ERLIN2: variants seen among roughly 807,000 people sequenced by gnomAD.
ERLIN2 encodes the protein erlin-2.
ERLIN2 carries 22 observed loss-of-function variants against 41.5 expected under a neutral mutation model. That is an observed-to-expected ratio of 0.53 (90% CI 0.38 to 0.76). The LOEUF (loss-of-function observed/expected upper bound fraction) is 0.76. ERLIN2 is among the 30% of genes least tolerant of loss of function. The pLI is 0.00. For synonymous variants in ERLIN2, 149 were observed against 150.9 expected (o/e 0.99, Z 0.09); for missense variants, 247 against 414.3 (o/e 0.60, Z 3.51).
At chr8:37,744,241 G>A (rs574770414) in intron 4 of ERLIN2, 114 bp from the exon 5 acceptor site, 25 of 936,378 alleles carry the variant, frequency 2.7e-5, no homozygotes, top group African/African-American at 9.7e-5. Flanking sequence ...CCAACTTCCC[G>A]TGAACTCTTC....
chr8:37,749,410 G>A, intron 6 of ERLIN2, 149 bp from the exon 7 acceptor site: 1 of 707,232 alleles, frequency 1.4e-6, no homozygotes, highest in Non-Finnish European at 2.6e-6. Context: ...TTGGGCAGGG[G>A]ATCTTTAGAT....
At chr8:37,753,300 CAG>C (rs1433539597) in intron 10 of ERLIN2, 148 bp from the exon 11 acceptor site, 7 of 704,552 alleles carry the variant, frequency 9.9e-6, no homozygotes, top group African/African-American at 7.0e-5. Flanking sequence ...ATGTAAAACA[CAG>C]AGGAAAAAGC....
At chr8:37,746,790 A>G (rs534611987) in intron 6 of ERLIN2, among the ~76,000 whole-genome samples, 2 of 152,362 alleles carry the variant, frequency 1.3e-5, no homozygotes, top group African/African-American at 4.8e-5. Context: ...TTAAGTAAAG[A>G]AAGCTTTATG....
intron 2 of ERLIN2, among the ~76,000 whole-genome samples, chr8:37,739,017 GT>G (rs567836974): frequency 8.7e-5 from 13 of 150,258 alleles, no homozygotes; most frequent in African/African-American, 7.3e-5. Flanking sequence ...TATTTTATTG[GT>G]TTTTTTTTTA....
intron 10 of ERLIN2, among the ~76,000 whole-genome samples, chr8:37,753,055 G>A (rs1404011854): frequency 6.6e-6 from 1 of 152,160 alleles, no homozygotes; most frequent in Non-Finnish European, 1.5e-5. Flanking sequence ...GGAGTGGAGA[G>A]CTCTGGCCTA....
chr8:37,750,965 C>T (rs1293749313), intron 9 of ERLIN2, among the ~76,000 whole-genome samples: 2 of 152,168 alleles, frequency 1.3e-5, no homozygotes, highest in African/African-American at 4.8e-5. Flanking sequence ...ATGATCTGCC[C>T]ACCTCAGCCT....
At chr8:37,744,329 C>T (rs371203700) in intron 4 of ERLIN2, 26 bp from the exon 5 acceptor site, 1 of 1,603,010 alleles carries the variant, frequency 6.2e-7, no homozygotes, top group Non-Finnish European at 8.5e-7. Context: ...TTCCCAGTGA[C>T]TTCTTGTCCA....
At chr8:37,753,305 G>T in intron 10 of ERLIN2, 145 bp from the exon 11 acceptor site, 1 of 710,068 alleles carries the variant, frequency 1.4e-6, no homozygotes, top group South Asian at 1.5e-5. Flanking sequence ...AAACACAGAG[G>T]AAAAAGCAGT....
At position 37,741,286 on chromosome 8, in the gene ERLIN2, A is replaced by T. The variant is rs1316627831; in HGVS notation, c.190-486A>T. Among the ~76,000 whole-genome samples the T allele has an allele frequency of 1.3e-5, 2 of 152,200 alleles. No homozygotes were observed. Among genetic ancestry groups the T allele is most frequent in the Admixed American group, 6.5e-5 (1 of 15,270 alleles). On this transcript the variant is annotated intron_variant, in intron 3 of 11. Coordinates refer to ENST00000519638, the MANE Select transcript of ERLIN2 (RefSeq NM_007175.8). The surrounding 1 kb of genome is among the most constrained non-coding windows in gnomAD (Gnocchi z 4.8). ...ATAAGATATTTTGAGAGAGAGAGAG[A>T]GAGACCACCTTCAAATAACTTTTAT...
At chr8:37,738,315 C>T (rs905041412) in intron 2 of ERLIN2, among the ~76,000 whole-genome samples, 1 of 152,154 alleles carries the variant, frequency 6.6e-6, no homozygotes, top group African/African-American at 2.4e-5. Flanking sequence ...GAAACTGGTG[C>T]TCCTCATTGA....
intron 9 of ERLIN2, 61 bp downstream of exon 9, chr8:37,750,547 T>C (rs1585915695): frequency 2.1e-6 from 3 of 1,427,070 alleles, no homozygotes; most frequent in Non-Finnish European, 2.0e-6. Flanking sequence ...GGTGGGAAGA[T>C]GCAAGGAGGC....
rs1803034155 is a variant in ERLIN2, at chr8:37,745,965, T to A, written c.424+1269T>A. 4 of 1,054,742 alleles carry A rather than the reference T, an allele frequency of 3.8e-6. No individual in the cohort carries two copies. The South Asian group carries it at 1.5e-4, about 39-fold the overall frequency. 65.3% of individuals were successfully genotyped at this position (1,054,742 alleles called of 1,614,324 possible). On this transcript the variant is annotated intron_variant, in intron 6 of 11. Transcript: ENST00000519638. ...CTGAAAAAAGACAAAGGATCCCTAA[T>A]GTCCCTGAAGAGGAAATTAAAATAC...
chr8:37,743,200 C>G (rs113839487), intron 4 of ERLIN2, among the ~76,000 whole-genome samples: 1,816 of 152,262 alleles, frequency 0.012, 39 homozygotes, highest in African/African-American at 0.041. Flanking sequence ...TTGATTAGAA[C>G]CTGGTTCAAA....
At chr8:37,737,230 TTCTC>T in intron 1 of ERLIN2, 1 of 157,274 alleles carries the variant, frequency 6.4e-6, no homozygotes, top group Non-Finnish European at 1.4e-5. Context: ...GACATTGCCT[TTCTC>T]TCTGACCACG....
intron 6 of ERLIN2, chr8:37,747,960 C>T (rs776603623): frequency 6.2e-7 from 1 of 1,614,196 alleles, no homozygotes; most frequent in Non-Finnish European, 8.5e-7. Flanking sequence ...CCTCCCGGTC[C>T]CGAGTGTCAG....
intron 4 of ERLIN2, among the ~76,000 whole-genome samples, chr8:37,743,902 G>GA (rs1276603860): frequency 2.6e-5 from 4 of 152,144 alleles, no homozygotes; most frequent in Non-Finnish European, 5.9e-5. Context: ...CTCTATGTTT[G>GA]AAATCTTTTT....
Position 37,756,850 on chromosome 8 carries a change from T to C in ERLIN2, c.*2735T>C, listed in dbSNP as rs1380871393. ...ATAAGTAACTGTTTATAAAATTCAG[T>C]TTTTGTAGGGTTTTCCAAGGAAAAA... is the stretch of plus-strand genomic sequence containing the variant. On this transcript the variant is annotated 3_prime_UTR_variant, in exon 12 of 12. Transcript: ENST00000519638. 1 of 152,614 alleles carries C rather than the reference T, an allele frequency of 6.6e-6. No individual in the cohort carries two copies. Among genetic ancestry groups the C allele is most frequent in the African/African-American group, 2.4e-5 (1 of 41,450 alleles). 9.5% of individuals were successfully genotyped at this position (152,614 alleles called of 1,614,324 possible).
At chr8:37,748,588 G>C (rs1381778888) in intron 6 of ERLIN2, among the ~76,000 whole-genome samples, 1 of 152,220 alleles carries the variant, frequency 6.6e-6, no homozygotes, top group Non-Finnish European at 1.5e-5. Context: ...ATCAGTGAAA[G>C]AGCGGAGACT....
chr8:37,737,411 C>A (rs1802689131), intron 1 of ERLIN2: 1 of 194,312 alleles, frequency 5.1e-6, no homozygotes, highest in Admixed American at 5.3e-5. Context: ...GGCTCTGCCA[C>A]TCCAGCATCT....
Sources: gnomAD v4.1 joint callset for allele counts (sites outside exome capture counted in the v4.1 genomes callset) on GRCh38, gnomAD v4.1.1 for gene constraint, Gnocchi (gnomAD v3.1) non-coding constraint, MANE v1.5 for transcripts, NCBI Gene and HGNC (gene_info 2026-07-23, HGNC 2026-07-21) for gene names.